Variants in LRP1B observed in about 807,000 individuals in gnomAD.
The protein encoded by LRP1B is LDL receptor related protein 1B.
LRP1B carries 217 observed loss-of-function variants against 556.6 expected under a neutral mutation model. That is an observed-to-expected ratio of 0.39 (90% CI 0.35 to 0.44). The LOEUF (loss-of-function observed/expected upper bound fraction) is 0.44, where lower values mean the gene tolerates loss of function less well. LRP1B is among the 20% of genes least tolerant of loss of function. The probability of loss-of-function intolerance (pLI) is 1.00; values close to 1 mark genes in which losing one functional copy is unlikely to be tolerated. For synonymous variants in LRP1B, 2,047 were observed against 1,865.8 expected, an observed-to-expected ratio of 1.10 and a Z score of -2.50; for missense variants, 5,053 against 5,620.8, an observed-to-expected ratio of 0.90 and a Z score of 3.23.
At chr2:140,309,003 C>T (rs778854445) in intron 83 of LRP1B, among the ~76,000 whole-genome samples, 3 of 151,718 alleles carry the variant, frequency 2.0e-5, no homozygotes, top group Non-Finnish European at 4.4e-5. Context: ...CTTTGTGAAT[C>T]TGTCTTGACT....
At chr2:141,810,198 C>T (rs2105706731) in intron 2 of LRP1B, 81 bp downstream of exon 2, 1 of 1,275,644 alleles carries the variant, frequency 7.8e-7, no homozygotes, top group Admixed American at 1.8e-5. Flanking sequence ...TCATCTAGAA[C>T]AGCAGTCATC....
rs374817306 is a variant in LRP1B at position 141,543,468 on chromosome 2, C to A, written c.206-62935G>T. Among the ~76,000 whole-genome samples, 4 of 139,010 alleles carry A rather than the reference C, an allele frequency of 2.9e-5. No homozygotes were observed. The East Asian group carries it at 6.9e-4, about 24-fold the overall frequency. The allele number at this position is 139,010 out of a possible 152,430, so 91.2% of individuals were successfully genotyped here. ...AGGCTGAAGTTGAGGTTGCAGTGAGCTGAGGTTGTGTCACTGCACTCCAGC... is the reference window on the plus strand; with the variant it reads ...AGGCTGAAGTTGAGGTTGCAGTGAGATGAGGTTGTGTCACTGCACTCCAGC... On this transcript the variant is annotated intron_variant, in intron 2 of 90. Coordinates refer to ENST00000389484, the MANE Select transcript of LRP1B (RefSeq NM_018557.3).
Position 140,237,081 on chromosome 2 carries a change from C to T in LRP1B, c.13560+1071G>A, listed in dbSNP as rs975570278. On this transcript the variant is annotated intron_variant, in intron 89 of 90. Coordinates refer to ENST00000389484, the MANE Select transcript of LRP1B (RefSeq NM_018557.3). ...ATATACAATACAATATTGTTAACCACCATCACCTAACTGTGCAACAGAACA... is the reference window on the plus strand; with the variant it reads ...ATATACAATACAATATTGTTAACCATCATCACCTAACTGTGCAACAGAACA... Among the ~76,000 whole-genome samples the T allele has an allele frequency of 2.0e-5, 3 of 150,758 alleles. No homozygotes were observed. The Admixed American group carries it at 2.0e-4, about 10-fold the overall frequency.
chr2:141,110,681 T>C (rs1271570808), intron 7 of LRP1B, among the ~76,000 whole-genome samples: 4 of 152,066 alleles, frequency 2.6e-5, no homozygotes, highest in Admixed American at 6.6e-5. Context: ...TTCCATCTTG[T>C]TCATGGCCCT....
At chr2:140,547,915 A>G (rs112575053) in intron 43 of LRP1B, among the ~76,000 whole-genome samples, 5 of 151,994 alleles carry the variant, frequency 3.3e-5, no homozygotes, top group African/African-American at 1.2e-4. Flanking sequence ...CTCAGTATTA[A>G]TATTCCAAAC....
chr2:141,269,436 G>A (rs1685006764), intron 3 of LRP1B, among the ~76,000 whole-genome samples: 1 of 152,160 alleles, frequency 6.6e-6, no homozygotes, highest in Non-Finnish European at 1.5e-5. Flanking sequence ...CAAGCTATCT[G>A]CTAAGTGTAA....
intron 18 of LRP1B, among the ~76,000 whole-genome samples, chr2:140,970,092 C>T (rs940440710): frequency 1.3e-5 from 2 of 152,158 alleles, no homozygotes; most frequent in African/African-American, 4.8e-5. Flanking sequence ...TGGGGAAGTT[C>T]TCCTGGATAG....
chr2:141,012,742 C>T (rs1697792067), intron 14 of LRP1B, among the ~76,000 whole-genome samples: 1 of 151,858 alleles, frequency 6.6e-6, no homozygotes, highest in Non-Finnish European at 1.5e-5. Flanking sequence ...GAAATATCTT[C>T]AAAAACTCTG....
chr2:141,969,708 A>G (rs1701671302), intron 1 of LRP1B, among the ~76,000 whole-genome samples: 2 of 151,694 alleles, frequency 1.3e-5, no homozygotes, highest in Admixed American at 6.6e-5. Context: ...TACAATGAAC[A>G]CTGGAGTGCA....
intron 1 of LRP1B, among the ~76,000 whole-genome samples, chr2:141,842,778 G>A (rs1166577768): frequency 1.3e-5 from 2 of 152,028 alleles, no homozygotes; most frequent in Non-Finnish European, 2.9e-5. Flanking sequence ...AATGTTGCCT[G>A]TTTAGTTTCA....
At chr2:140,596,540 G>T (rs529781121) in intron 43 of LRP1B, among the ~76,000 whole-genome samples, 37 of 152,282 alleles carry the variant, frequency 2.4e-4, no homozygotes, top group Non-Finnish European at 4.9e-4. Context: ...ATTCAGTAAT[G>T]AATTGAAATA....
intron 41 of LRP1B, among the ~76,000 whole-genome samples, chr2:140,675,835 T>C (rs1685653309): frequency 1.3e-5 from 2 of 152,172 alleles, no homozygotes; most frequent in Admixed American, 1.3e-4. Context: ...TACACATATA[T>C]ATGTACATAT....
chr2:140,396,292 G>C (rs560584422), intron 66 of LRP1B, among the ~76,000 whole-genome samples: 11 of 152,110 alleles, frequency 7.2e-5, no homozygotes, highest in African/African-American at 2.2e-4. Context: ...TATTTTAAAA[G>C]CAAAGTAAAT....
At chr2:141,363,521 T>G (rs1197136322) in intron 3 of LRP1B, among the ~76,000 whole-genome samples, 6 of 152,188 alleles carry the variant, frequency 3.9e-5, no homozygotes, top group Non-Finnish European at 5.9e-5. Context: ...TCTACCATGT[T>G]GTCTTAACCA....
At chr2:141,410,333 C>A (rs1690805665) in intron 3 of LRP1B, among the ~76,000 whole-genome samples, 1 of 151,912 alleles carries the variant, frequency 6.6e-6, no homozygotes, top group Non-Finnish European at 1.5e-5. Context: ...AAAACAAAAC[C>A]ACCAAAGTAT....
At chr2:140,973,052 T>TTTTATA (rs1472754855) in intron 18 of LRP1B, among the ~76,000 whole-genome samples, 1 of 138,578 alleles carries the variant, frequency 7.2e-6, no homozygotes, top group African/African-American at 2.7e-5. Flanking sequence ...ATATTTCATT[T>TTTTATA]TATATATATA....
At chr2:140,873,148 C>T (rs1693192421) in intron 25 of LRP1B, among the ~76,000 whole-genome samples, 1 of 152,014 alleles carries the variant, frequency 6.6e-6, no homozygotes, top group Admixed American at 6.6e-5. Context: ...TGCCAGAATA[C>T]ATTTTTGTTT....
intron 35 of LRP1B, among the ~76,000 whole-genome samples, chr2:140,766,859 T>TATTATATATATATA (rs1689136731): frequency 4.0e-5 from 2 of 50,214 alleles, no homozygotes; most frequent in African/African-American, 9.0e-5. Flanking sequence ...TATATATATA[T>TATTATATATATATA]ATATATAATA....
intron 1 of LRP1B, among the ~76,000 whole-genome samples, chr2:142,081,657 ATT>A (rs1705721233): frequency 1.3e-5 from 2 of 152,128 alleles, no homozygotes; most frequent in South Asian, 4.1e-4. Context: ...TGTATTTATT[ATT>A]TTAGGGACTG....
Sources: gnomAD v4.1 joint callset for allele counts (sites outside exome capture counted in the v4.1 genomes callset) on GRCh38, gnomAD v4.1.1 for gene constraint, MANE v1.5 for transcripts, NCBI Gene and HGNC (gene_info 2026-07-23, HGNC 2026-07-21) for gene names.